GGACT: variants seen among roughly 807,000 people sequenced by gnomAD.
GGACT encodes gamma-glutamylamine cyclotransferase, also known as gamma-glutamylaminecyclotransferase.
For missense variants in GGACT, 241 were observed against 233.2 expected, an observed-to-expected ratio of 1.03 and a Z score of -0.22; for synonymous variants, 118 against 115.3, an observed-to-expected ratio of 1.02 and a Z score of -0.15.
chr13:100,560,559 G>T (rs79999864), intron 2 of GGACT, among the ~76,000 whole-genome samples: 4 of 152,226 alleles, frequency 2.6e-5, no homozygotes, highest in Non-Finnish European at 5.9e-5. Context: ...ATCCGTGGGA[G>T]CTGTGTGGCC....
At chr13:100,573,632 T>C (rs969754605) in intron 2 of GGACT, among the ~76,000 whole-genome samples, 3 of 151,972 alleles carry the variant, frequency 2.0e-5, no homozygotes, top group African/African-American at 7.3e-5. Flanking sequence ...GGATTACAGG[T>C]GAGGGCCACT....
At chr13:100,543,637 T>C (rs2153013259) in intron 2 of GGACT, among the ~76,000 whole-genome samples, 1 of 152,338 alleles carries the variant, frequency 6.6e-6, no homozygotes, top group East Asian at 1.9e-4. Context: ...GCATCTGTTT[T>C]CTCCACATGA....
chr13:100,588,580 C>T (rs1397037236), intron 1 of GGACT, 161 bp downstream of exon 1: 3 of 152,048 alleles, frequency 2.0e-5, no homozygotes, highest in Non-Finnish European at 2.9e-5. Flanking sequence ...GCCGGCGGCG[C>T]CCCAGGCCTC....
At chr13:100,546,264 AGGCAGGGGAAT>A (rs1345647288) in intron 2 of GGACT, among the ~76,000 whole-genome samples, 2 of 148,362 alleles carry the variant, frequency 1.3e-5, no homozygotes, top group Non-Finnish European at 3.0e-5. Flanking sequence ...CGGGAGGCTG[AGGCAGGGGAAT>A]GGCGTGAACC....
At chr13:100,558,287 G>C (rs1319561799) in intron 2 of GGACT, among the ~76,000 whole-genome samples, 6 of 151,588 alleles carry the variant, frequency 4.0e-5, no homozygotes, top group African/African-American at 1.5e-4. Flanking sequence ...AGACCAGCCT[G>C]GGAAACACAG....
At chr13:100,559,533 C>T (rs965595493) in intron 2 of GGACT, among the ~76,000 whole-genome samples, 10 of 150,328 alleles carry the variant, frequency 6.7e-5, no homozygotes, top group Admixed American at 1.3e-4. Context: ...CTTGCTCGGT[C>T]GCCGAGGCTG....
At chr13:100,543,269 G>A (rs4772304) in intron 2 of GGACT, among the ~76,000 whole-genome samples, 72,397 of 143,634 alleles carry the variant, frequency 0.5, 18,609 homozygotes, top group South Asian at 0.72. Context: ...GTGCAGTGGC[G>A]CGATCTCGGC....
At chr13:100,539,672 G>T (rs2088531357) in intron 2 of GGACT, 1 of 533,420 alleles carries the variant, frequency 1.9e-6, no homozygotes, top group Non-Finnish European at 3.3e-6. Flanking sequence ...TTCTTTCTTG[G>T]AGTGTCTTTG....
intron 2 of GGACT, among the ~76,000 whole-genome samples, chr13:100,577,538 A>G (rs1875288760): frequency 6.6e-6 from 1 of 152,132 alleles, no homozygotes; most frequent in Non-Finnish European, 1.5e-5. Context: ...TATTTATGTA[A>G]AAAACCCTCA....
chr13:100,572,501 T>C (rs2153016360), intron 2 of GGACT, among the ~76,000 whole-genome samples: 1 of 152,376 alleles, frequency 6.6e-6, no homozygotes, highest in South Asian at 2.1e-4. Context: ...TTAATACTAC[T>C]GAACTGTACA....
chr13:100,536,189 C>T (rs755954025), intron 2 of GGACT: 2 of 152,312 alleles, frequency 1.3e-5, no homozygotes, highest in African/African-American at 2.4e-5. Context: ...CCTGGAGGCT[C>T]TTAAGGGCTT....
intron 2 of GGACT, among the ~76,000 whole-genome samples, chr13:100,579,482 C>A (rs1875349705): frequency 6.6e-6 from 1 of 152,092 alleles, no homozygotes; most frequent in African/African-American, 2.4e-5. Flanking sequence ...CCAAAGCCAG[C>A]CATAAAACCT....
At chr13:100,570,239 T>C (rs1594195837) in intron 2 of GGACT, among the ~76,000 whole-genome samples, 2 of 152,164 alleles carry the variant, frequency 1.3e-5, no homozygotes, top group East Asian at 3.9e-4. Context: ...ATTAGTCCAT[T>C]CTCATACTGC....
chr13:100,574,914 C>T (rs1875203882), intron 2 of GGACT, among the ~76,000 whole-genome samples: 1 of 151,938 alleles, frequency 6.6e-6, no homozygotes, highest in African/African-American at 2.4e-5. Flanking sequence ...CAATTTAACA[C>T]TTGAAACCAA....
At chr13:100,561,025 A>G (rs2153015190) in intron 2 of GGACT, among the ~76,000 whole-genome samples, 1 of 152,222 alleles carries the variant, frequency 6.6e-6, no homozygotes, top group African/African-American at 2.4e-5. Context: ...ACTCATCCAC[A>G]CAGCCCAGGA....
chr13:100,540,315 G>C, intron 2 of GGACT: 1 of 799,244 alleles, frequency 1.3e-6, no homozygotes. Context: ...TGCTGCTTCA[G>C]TCTCTTTACT....
At position 100,541,895 on chromosome 13, in the gene GGACT, A is replaced by G. The variant is rs1366604759; in HGVS notation, c.-10-9294T>C. On this transcript the variant is annotated intron_variant, in intron 2 of 2. Coordinates refer to ENST00000683975, the MANE Select transcript of GGACT (RefSeq NM_001195087.2). ...TTCTACATTTTATGTATTGAGTTCA[A>G]TAGCATCCTTCATAACATAAAGTTA... 6 of 152,272 alleles carry G rather than the reference A, an allele frequency of 3.9e-5. No homozygotes were observed. In the East Asian group the frequency reaches 5.8e-4, roughly 15 times the overall value. The allele number at this position is 152,272 out of a possible 1,614,324, so 9.4% of individuals were successfully genotyped here.
rs571227524 is a variant in GGACT at position 100,555,723 on chromosome 13, A to G, written c.-10-23122T>C. ...TTACAGGCCACTGTCCATCATAAACATAAATGTAAGAGTCTTGAACAAATA... is the reference window on the plus strand; with the variant it reads ...TTACAGGCCACTGTCCATCATAAACGTAAATGTAAGAGTCTTGAACAAATA... On this transcript the variant is annotated intron_variant, in intron 2 of 2. Transcript: ENST00000683975. 4.6e-5 allele frequency among the ~76,000 whole-genome samples: 7 copies of G among 152,300 alleles called. 1 individual carries two copies. The East Asian group carries it at 1.2e-3, about 25-fold the overall frequency.
At chr13:100,538,999 G>A (rs1470392518) in intron 2 of GGACT, 1 of 152,124 alleles carries the variant, frequency 6.6e-6, no homozygotes, top group African/African-American at 2.4e-5. Context: ...GGAATAGTTT[G>A]TCTTTTCAGA....
Sources: allele counts gnomAD v4.1 joint callset (sites outside exome capture counted in the v4.1 genomes callset), GRCh38; gene constraint gnomAD v4.1.1; transcripts MANE v1.5; gene names NCBI Gene and HGNC (gene_info 2026-07-23, HGNC 2026-07-21).